The following YME1L1 variants were observed in gnomAD, a reference collection of about 807,000 sequenced individuals.
YME1L1 encodes YME1 like 1 ATPase.
Under a neutral mutation model 90.4 loss-of-function variants are expected in YME1L1, and 39 were observed. The observed-to-expected ratio is 0.43, with a 90% CI of 0.33 to 0.56. YME1L1 has a LOEUF of 0.56. Ranked by LOEUF, YME1L1 falls within the 20% of genes least tolerant of loss-of-function variation. YME1L1 has a pLI of 0.03. For missense variants in YME1L1, 617 were observed against 868.4 expected (o/e 0.71, Z 3.64); for synonymous variants, 284 against 287.3 (o/e 0.99, Z 0.12).
rs764359006 is a variant in YME1L1, at chr10:27,123,534, C to A, written c.1102+13G>T. ...AAAATTTAGCACTGCATCAAAGATA[C>A]ACCAAAACGTACTAAAAAGATTTCT... is the stretch of plus-strand genomic sequence containing the variant. On this transcript the variant is annotated intron_variant, in intron 10 of 18. Coordinates refer to ENST00000376016, the MANE Select transcript of YME1L1 (RefSeq NM_014263.4). The A allele has an allele frequency of 8.1e-6, 13 of 1,613,060 alleles. No individual in the cohort carries two copies. The East Asian group carries it at 2.7e-4, about 33-fold the overall frequency.
chr10:27,154,030 CCT>C (rs1224949654), intron 1 of YME1L1, 146 bp downstream of exon 1: 31 of 1,081,606 alleles, frequency 2.9e-5, no homozygotes, highest in East Asian at 5.3e-5. Context: ...AGCGTCGTCC[CCT>C]GATCCACTCC....
rs1220455872 is a variant in YME1L1, at chr10:27,110,136, T to C, written c.*1841A>G. ...TACATTTAAAATGAATTTTATCATA[T>C]GTAAATTATACCTCAACAAATATGT... On this transcript the variant is annotated 3_prime_UTR_variant, in exon 19 of 19. Transcript: ENST00000376016. The C allele has an allele frequency of 6.6e-6, 1 of 152,230 alleles. No homozygotes were observed. The highest frequency in any genetic ancestry group is 1.5e-5 in the Non-Finnish European group (1 of 68,048). The allele number at this position is 152,230 out of a possible 1,614,324, so 9.4% of individuals were successfully genotyped here. A position where few individuals can be genotyped will look rare whatever the true frequency, so the allele number is the denominator to read the frequency against.
At chr10:27,126,943 T>TAA (rs2056926259) in intron 8 of YME1L1, among the ~76,000 whole-genome samples, 157 bp from the exon 9 acceptor site, 1 of 152,200 alleles carries the variant, frequency 6.6e-6, no homozygotes, top group Admixed American at 6.5e-5. Flanking sequence ...TGGCCCCTTA[T>TAA]AAAACAAAGG....
At chr10:27,141,282 G>C (rs1344168289) in intron 4 of YME1L1, among the ~76,000 whole-genome samples, 1 of 152,098 alleles carries the variant, frequency 6.6e-6, no homozygotes, top group Non-Finnish European at 1.5e-5. Context: ...TGTAATCCCA[G>C]CTCCTCAGGA....
Position 27,142,454 on chromosome 10 carries a change from G to A in YME1L1, c.363C>T (p.Ser121=), listed in dbSNP as rs1266754249. ...GNLDIFSTLR[S]SCLYRHHSRA... ...TTGAATGATGTCGATACAAGCAAGA[G>A]GAACGTAATGTACTAAATATATCTA... is the stretch of plus-strand genomic sequence containing the variant. Residue 121 remains serine (S), a synonymous_variant, in exon 4 of 19, where the codon TCC becomes TCT. Transcript: ENST00000376016. 6.6e-6 allele frequency: 10 copies of A among 1,523,730 alleles called. No individual in the cohort carries two copies. The highest frequency in any genetic ancestry group is 8.8e-6 in the Non-Finnish European group (10 of 1,135,486). The allele number at this position is 1,523,730 out of a possible 1,614,324, so 94.4% of individuals were successfully genotyped here.
chr10:27,152,957 A>C (rs750530911), intron 1 of YME1L1, among the ~76,000 whole-genome samples: 1 of 152,230 alleles, frequency 6.6e-6, no homozygotes, highest in Non-Finnish European at 1.5e-5. Context: ...ACTTAAAATG[A>C]AATCAGCCAT....
At chr10:27,137,747 TA>T (rs1253402261) in intron 4 of YME1L1, among the ~76,000 whole-genome samples, 1 of 152,208 alleles carries the variant, frequency 6.6e-6, no homozygotes, top group Non-Finnish European at 1.5e-5. Context: ...TTTTTATTTT[TA>T]TTTCTTTAGT....
intron 5 of YME1L1, among the ~76,000 whole-genome samples, chr10:27,135,238 A>G (rs988765394): frequency 6.6e-6 from 1 of 152,202 alleles, no homozygotes; most frequent in Non-Finnish European, 1.5e-5. Flanking sequence ...AACAGGTCAC[A>G]TATTATTTTA....
In YME1L1 at chr10:27,134,962, C is replaced by T. The variant is rs771761422; in HGVS notation, c.560G>A (p.Arg187Lys). Reference sequence around the variant, plus strand: ...GTCCAAACTCTCAACATCTGATCCTCTGTCCCGCAAAAGAAACCCCTGAAT... The same window carrying T: ...GTCCAAACTCTCAACATCTGATCCTTTGTCCCGCAAAAGAAACCCCTGAAT... The part of the protein sequence containing the change: ...SFVKGFLLRD[R>K]GSDVESLDKL... The change falls in exon 6 of 19, where the codon AGA becomes AAA. Residue 187 changes from arginine (R) to lysine (K), a missense_variant. Arg to Lys is a conservative substitution (Grantham distance 26). Coordinates refer to ENST00000376016, the MANE Select transcript of YME1L1 (RefSeq NM_014263.4). The T allele has an allele frequency of 6.2e-7, 1 of 1,612,614 alleles. No individual in the cohort carries two copies. Among genetic ancestry groups the T allele is most frequent in the Admixed American group, 1.7e-5 (1 of 60,018 alleles).
chr10:27,148,759 G>T, intron 2 of YME1L1, 147 bp downstream of exon 2: 1 of 859,356 alleles, frequency 1.2e-6, no homozygotes, highest in Non-Finnish European at 1.8e-6. Context: ...TCAATAGTAG[G>T]GTATTAGTAG....
chr10:27,145,731 G>A (rs970315838), intron 2 of YME1L1, 141 bp from the exon 3 acceptor site: 8 of 740,084 alleles, frequency 1.1e-5, no homozygotes, highest in African/African-American at 1.1e-4. Flanking sequence ...AAAATAAATT[G>A]ATGCAAATAT....
chr10:27,142,975 C>T (rs1010073534), intron 3 of YME1L1, among the ~76,000 whole-genome samples: 1 of 152,094 alleles, frequency 6.6e-6, no homozygotes, highest in African/African-American at 2.4e-5. Flanking sequence ...CCTCGGCCTC[C>T]CAAAGTGCTG....
At chr10:27,146,018 G>A (rs1459917973) in intron 2 of YME1L1, 1 of 154,468 alleles carries the variant, frequency 6.5e-6, no homozygotes, top group Non-Finnish European at 1.4e-5. Context: ...AATGACAAGA[G>A]TGTAAGAGTA....
chr10:27,149,711 CAAAAAAAAAAAAAAA>C (rs58900380), intron 1 of YME1L1, among the ~76,000 whole-genome samples: 1 of 32,362 alleles, frequency 3.1e-5, no homozygotes, highest in African/African-American at 7.9e-5. Flanking sequence ...ACCTGTCTCT[CAAAAAAAAAAAAAAA>C]AAAAAAAAAA....
chr10:27,141,035 T>C (rs969435165), intron 4 of YME1L1, among the ~76,000 whole-genome samples: 2 of 152,214 alleles, frequency 1.3e-5, no homozygotes, highest in East Asian at 3.8e-4. Flanking sequence ...GGTGCCTCTC[T>C]TTTATGCTTT....
chr10:27,145,706 T>C (rs2057137279), intron 2 of YME1L1, 116 bp from the exon 3 acceptor site: 1 of 870,536 alleles, frequency 1.1e-6, no homozygotes, highest in Admixed American at 3.0e-5. Flanking sequence ...ATATATTTCC[T>C]TTTTTTAATA....
At chr10:27,147,665 T>C (rs368115616) in intron 2 of YME1L1, 8 of 1,549,992 alleles carry the variant, frequency 5.2e-6, no homozygotes, top group South Asian at 3.6e-5. Context: ...TCACTGAACA[T>C]ACACTGTAGG....
In YME1L1 at chr10:27,123,605, T is replaced by C. The variant is rs1220283640; in HGVS notation, c.1044A>G (p.Gly348=). The C allele has an allele frequency of 1.2e-6, 2 of 1,613,688 alleles. No homozygotes were observed. Among genetic ancestry groups the C allele is most frequent in the South Asian group, 1.1e-5 (1 of 91,078 alleles). The change falls in exon 10 of 19, where the codon GGA becomes GGG. Residue 348 remains glycine, a synonymous_variant. Coordinates refer to ENST00000376016, the MANE Select transcript of YME1L1 (RefSeq NM_014263.4). ...CCACAAACATCTCATCAAATTCGGATCCAGAAGCATAATAAAAAGGAACAT... is the reference window on the plus strand; with the variant it reads ...CCACAAACATCTCATCAAATTCGGACCCAGAAGCATAATAAAAAGGAACAT... ...EADVPFYYAS[G]SEFDEMFVGV...
chr10:27,128,131 G>T (rs1301295208), intron 8 of YME1L1, among the ~76,000 whole-genome samples: 1 of 152,014 alleles, frequency 6.6e-6, no homozygotes, highest in East Asian at 1.9e-4. Flanking sequence ...GTTATTAAAT[G>T]CCCTTATTAA....
Sources: gnomAD v4.1 joint callset for allele counts (sites outside exome capture counted in the v4.1 genomes callset) on GRCh38, gnomAD v4.1.1 for gene constraint, MANE v1.5 for transcripts, NCBI Gene and HGNC (gene_info 2026-07-23, HGNC 2026-07-21) for gene names.